The following OR7D4 variants were observed in gnomAD, a reference collection of about 807,000 sequenced individuals.
OR7D4 encodes olfactory receptor 7D4.
For missense variants in OR7D4, 319 were observed against 377.1 expected (o/e 0.85, Z 1.27); for synonymous variants, 154 against 158.4 (o/e 0.97, Z 0.21).
intron 1 of OR7D4, among the ~76,000 whole-genome samples, chr19:9,218,065 T>G (rs1164007437): frequency 6.6e-6 from 1 of 152,194 alleles, no homozygotes. Context: ...CAACTTATAT[T>G]TAGTTTTAGA....
rs1322496099 is a variant in OR7D4, at chr19:9,210,969, A to T, written c.*2930T>A. On this transcript the variant is annotated 3_prime_UTR_variant, in exon 2 of 2. Coordinates refer to ENST00000641669, the MANE Select transcript of OR7D4 (RefSeq NM_001005191.3). Reference sequence around the variant, plus strand: ...GGAAAGGGCGACATGTCCATGTGCCAGTTCTACAGCATGGAATTTTTCTGA... The same window carrying T: ...GGAAAGGGCGACATGTCCATGTGCCTGTTCTACAGCATGGAATTTTTCTGA... The T allele has an allele frequency of 6.6e-6, 1 of 152,280 alleles. No individual in the cohort carries two copies. Among genetic ancestry groups the T allele is most frequent in the African/African-American group, 2.4e-5 (1 of 41,480 alleles). 9.4% of individuals were successfully genotyped at this position (152,280 alleles called of 1,614,324 possible).
At position 9,214,651 on chromosome 19, in the gene OR7D4, G is replaced by A. The variant is rs996873763; in HGVS notation, c.187C>T (p.Leu63Phe). 27 of 1,614,060 alleles carry A rather than the reference G, an allele frequency of 1.7e-5. 1 individual carries two copies. The highest frequency in any genetic ancestry group is 1.7e-6 in the Non-Finnish European group (2 of 1,180,034). ...ATGTCAACAAAGGACAGGTTGGAGA[G>A]GAAGAAGTACATGGGGGTGTGGAGG... The part of the protein sequence containing the change: ...SHLHTPMYFF[L>F]SNLSFVDICF... The change falls in exon 2 of 2, where the codon CTC becomes TTC. Residue 63 changes from leucine to phenylalanine, a missense_variant. By Grantham distance (22) the Leu-to-Phe change is conservative. Coordinates refer to ENST00000641669, the MANE Select transcript of OR7D4 (RefSeq NM_001005191.3).
chr19:9,217,158 A>G (rs2146012970), intron 1 of OR7D4, among the ~76,000 whole-genome samples: 1 of 152,332 alleles, frequency 6.6e-6, no homozygotes, highest in East Asian at 1.9e-4. Context: ...TGAGAAAAGA[A>G]AGGGACACCG....
At position 9,212,192 on chromosome 19, in the gene OR7D4, T is replaced by A. The variant is rs1025585549; in HGVS notation, c.*1707A>T. 5.9e-5 allele frequency: 9 copies of A among 152,310 alleles called. No individual in the cohort carries two copies. The East Asian group carries it at 1.7e-3, about 29-fold the overall frequency. The allele number at this position is 152,310 out of a possible 1,614,324, so 9.4% of individuals were successfully genotyped here. ...ATCCCTCAACTATTTATCTTTAGAG[T>A]TACAAACAATGCAATTATACTTTCT... On this transcript the variant is annotated 3_prime_UTR_variant, in exon 2 of 2. Transcript: ENST00000641669.
rs142183744 is a variant in OR7D4 at position 9,214,745 on chromosome 19, G to A, written c.93C>T (p.Phe31=). The change falls in exon 2 of 2, where the codon TTC becomes TTT. Residue 31 remains phenylalanine, a synonymous_variant. Transcript: ENST00000641669. ...GCACCGTGACCAGGTACATGGACAG[G>A]AACAGCCCAAAGAGGACGGGCTGCA... is the stretch of plus-strand genomic sequence containing the variant. ...PELQPVLFGL[F]LSMYLVTVLG... The A allele has an allele frequency of 6.8e-6, 11 of 1,613,916 alleles. No homozygotes were observed. The African/African-American group carries it at 8.0e-5, about 12-fold the overall frequency.
Position 9,214,617 on chromosome 19 carries a change from A to G in OR7D4, c.221T>C (p.Ile74Thr). Reference protein sequence around the residue: ...SNLSFVDICFISTTVPKMLVS... With the variant: ...SNLSFVDICFTSTTVPKMLVS... ...TAGCATCTTGGGGACTGTGGTGGAG[A>G]TGAAACAGATGTCAACAAAGGACAG... is the stretch of plus-strand genomic sequence containing the variant. The change falls in exon 2 of 2, where the codon ATC (isoleucine) becomes ACC (threonine). Residue 74 changes from isoleucine to threonine, a missense_variant. Physicochemically the swap from Ile to Thr is moderately conservative, Grantham distance 89. Coordinates refer to ENST00000641669, the MANE Select transcript of OR7D4 (RefSeq NM_001005191.3). 1.9e-6 allele frequency: 3 copies of G among 1,614,124 alleles called. No homozygotes were observed. Among genetic ancestry groups the G allele is most frequent in the Non-Finnish European group, 2.5e-6 (3 of 1,179,986 alleles).
chr19:9,217,564 A>G (rs2146013680), intron 1 of OR7D4, among the ~76,000 whole-genome samples: 1 of 152,236 alleles, frequency 6.6e-6, no homozygotes, highest in African/African-American at 2.4e-5. Flanking sequence ...TTGGAGATGG[A>G]ATCTCGATCT....
chr19:9,211,774 CAAAAAAAAAAAAA>C lies in OR7D4; in HGVS notation c.*2112_*2124del, dbSNP rs373503187. On this transcript the variant is annotated 3_prime_UTR_variant, in exon 2 of 2. Transcript: ENST00000641669. ...TGGGCGACAGAGCAAGACTCCATCT[CAAAAAAAAAAAAA>C]AAAAAAAAAAGGTGCAACATATTCT... The C allele has an allele frequency of 1.3e-5, 1 of 75,930 alleles. No homozygotes were observed. The highest frequency in any genetic ancestry group is 3.0e-5 in the Non-Finnish European group (1 of 33,152). The allele number at this position is 75,930 out of a possible 1,614,324, so 4.7% of individuals were successfully genotyped here.
Position 9,219,347 on chromosome 19 carries a change from C to T in OR7D4, c.-161G>A, listed in dbSNP as rs1277235031. The T allele has an allele frequency of 6.6e-6, 1 of 152,060 alleles. No individual in the cohort carries two copies. The highest frequency in any genetic ancestry group is 1.9e-4 in the East Asian group (1 of 5,188). 9.4% of individuals were successfully genotyped at this position (152,060 alleles called of 1,614,324 possible). A position where few individuals can be genotyped will look rare whatever the true frequency, so the allele number is the denominator to read the frequency against. On this transcript the variant is annotated 5_prime_UTR_variant, in exon 1 of 2. Coordinates refer to ENST00000641669, the MANE Select transcript of OR7D4 (RefSeq NM_001005191.3). ...CTTATTAAAGACGGGCCCTGGATTC[C>T]AAGGAGTGAGAACAGAAGGTGGGAG...
Position 9,213,992 on chromosome 19 carries a change from G to T in OR7D4, c.846C>A (p.Thr282=), listed in dbSNP as rs1568329214. Residue 282 remains threonine (T), a synonymous_variant, in exon 2 of 2, where the codon ACC becomes ACA. Transcript: ENST00000641669. ...STASVMYAMV[T]PMLNPFIYSL... is the part of the protein sequence containing the mutation. ...TGTAGATGAAGGGGTTCAGCATGGG[G>T]GTGACCATGGCGTACATCACTGAGG... The T allele has an allele frequency of 6.2e-7, 1 of 1,614,126 alleles. No individual in the cohort carries two copies. Among genetic ancestry groups the T allele is most frequent in the South Asian group, 1.1e-5 (1 of 91,072 alleles).
chr19:9,214,879 T>G (rs769070705), intron 1 of OR7D4, 29 bp from the exon 2 acceptor site: 2 of 1,222,014 alleles, frequency 1.6e-6, no homozygotes, highest in Non-Finnish European at 2.3e-6. Flanking sequence ...AAAGCAACGT[T>G]TAATGAACAG....
rs181521429 is a variant in OR7D4, at chr19:9,213,518, T to C, written c.*381A>G. ...ACTTTGGGAGGCTGAGGCAGGCAGA[T>C]CATGAGGTCAGGAGTTCCAGACCAG... On this transcript the variant is annotated 3_prime_UTR_variant, in exon 2 of 2. Coordinates refer to ENST00000641669, the MANE Select transcript of OR7D4 (RefSeq NM_001005191.3). The C allele has an allele frequency of 1.7e-4, 28 of 169,572 alleles. No homozygotes were observed. Among genetic ancestry groups the C allele is most frequent in the Middle Eastern group, 3.0e-3 (1 of 330 alleles). The allele number at this position is 169,572 out of a possible 1,614,324, so 10.5% of individuals were successfully genotyped here. A position where few individuals can be genotyped will look rare whatever the true frequency, so the allele number is the denominator to read the frequency against.
rs746009560 is a variant in OR7D4 at position 9,214,314 on chromosome 19, G to A, written c.524C>T (p.Pro175Leu). ...CTGAGCCGGTTCACAGAAGAAATGCGGAATCTCAGTGCCTGTGGAGAAGGT... is the reference window on the plus strand; with the variant it reads ...CTGAGCCGGTTCACAGAAGAAATGCAGAATCTCAGTGCCTGTGGAGAAGGT... Reference protein sequence around the residue: ...RLTFSTGTEIPHFFCEPAQVL... With the variant: ...RLTFSTGTEILHFFCEPAQVL... Residue 175 changes from proline (P) to leucine (L), a missense_variant, in exon 2 of 2, where the codon CCG (proline) becomes CTG (leucine). Pro to Leu is a moderately conservative substitution (Grantham distance 98). Coordinates refer to ENST00000641669, the MANE Select transcript of OR7D4 (RefSeq NM_001005191.3). The A allele has an allele frequency of 7.9e-5, 127 of 1,614,098 alleles. No individual in the cohort carries two copies. Among genetic ancestry groups the A allele is most frequent in the East Asian group, 2.5e-4 (11 of 44,866 alleles).
At position 9,212,167 on chromosome 19, in the gene OR7D4, A is replaced by G. The variant is rs1211193393; in HGVS notation, c.*1732T>C. On this transcript the variant is annotated 3_prime_UTR_variant, in exon 2 of 2. Transcript: ENST00000641669. ...CCACATCGTGGAGAATGAGGTATTCATCCCTCAACTATTTATCTTTAGAGT... is the reference window on the plus strand; with the variant it reads ...CCACATCGTGGAGAATGAGGTATTCGTCCCTCAACTATTTATCTTTAGAGT... 6.6e-6 allele frequency: 1 copy of G among 152,250 alleles called. No individual in the cohort carries two copies. Among genetic ancestry groups the G allele is most frequent in the East Asian group, 1.9e-4 (1 of 5,202 alleles). 9.4% of individuals were successfully genotyped at this position (152,250 alleles called of 1,614,324 possible). A position where few individuals can be genotyped will look rare whatever the true frequency, so the allele number is the denominator to read the frequency against.
chr19:9,219,321 A>AC lies in OR7D4; in HGVS notation c.-136dup, dbSNP rs1312869092. ...AGAGTTAGAGACTGTTCGGAAAATA[A>AC]CTTATTAAAGACGGGCCCTGGATTC... On this transcript the variant is annotated 5_prime_UTR_variant, in exon 1 of 2. The change abolishes the stop of an existing upstream ORF in the 5' untranslated region. Coordinates refer to ENST00000641669, the MANE Select transcript of OR7D4 (RefSeq NM_001005191.3). 46 of 152,242 alleles carry AC rather than the reference A, an allele frequency of 3.0e-4. No homozygotes were observed. Among genetic ancestry groups the AC allele is most frequent in the African/African-American group, 1.0e-3 (43 of 41,538 alleles). 9.4% of individuals were successfully genotyped at this position (152,242 alleles called of 1,614,324 possible). A position where few individuals can be genotyped will look rare whatever the true frequency, so the allele number is the denominator to read the frequency against.
chr19:9,214,241 C>T lies in OR7D4; in HGVS notation c.597G>A (p.Leu199=), dbSNP rs377419980. 1.5e-4 allele frequency: 240 copies of T among 1,614,044 alleles called. No homozygotes were observed. Among genetic ancestry groups the T allele is most frequent in the Non-Finnish European group, 2.0e-4 (233 of 1,180,040 alleles). ...CSNTLLNNIV[L]YVATALLGVF... is the part of the protein sequence containing the mutation. ...CACCCAGCAGTGCCGTGGCCACATA[C>T]AAGACAATGTTATTGAGGAGGGTGT... Residue 199 remains leucine, a synonymous_variant, in exon 2 of 2, where the codon TTG becomes TTA. Transcript: ENST00000641669.
At chr19:9,215,425 T>G (rs1057465322) in intron 1 of OR7D4, among the ~76,000 whole-genome samples, 1 of 151,672 alleles carries the variant, frequency 6.6e-6, no homozygotes, top group African/African-American at 2.4e-5. Context: ...TGAACTTAAA[T>G]CAATTTCTTC....
In OR7D4 at chr19:9,219,361, A is replaced by G. The variant is rs1250968209; in HGVS notation, c.-175T>C. 1 of 152,236 alleles carries G rather than the reference A, an allele frequency of 6.6e-6. No homozygotes were observed. The highest frequency in any genetic ancestry group is 1.5e-5 in the Non-Finnish European group (1 of 68,048). The allele number at this position is 152,236 out of a possible 1,614,324, so 9.4% of individuals were successfully genotyped here. On this transcript the variant is annotated 5_prime_UTR_variant, in exon 1 of 2. Coordinates refer to ENST00000641669, the MANE Select transcript of OR7D4 (RefSeq NM_001005191.3). ...GCCCTGGATTCCAAGGAGTGAGAAC[A>G]GAAGGTGGGAGACACTGGTTTCTGT...
At chr19:9,218,245 A>G (rs1207709038) in intron 1 of OR7D4, among the ~76,000 whole-genome samples, 3 of 149,242 alleles carry the variant, frequency 2.0e-5, no homozygotes, top group African/African-American at 5.1e-5. Context: ...TTGAATATAG[A>G]CATAAATTTA....
Sources: gnomAD v4.1 joint callset for allele counts (sites outside exome capture counted in the v4.1 genomes callset) on GRCh38, gnomAD v4.1.1 for gene constraint, MANE v1.5 for transcripts, NCBI Gene and HGNC (gene_info 2026-07-23, HGNC 2026-07-21) for gene names.